Variants in RGL1 observed in about 807,000 individuals in gnomAD.
RGL1 encodes ral guanine nucleotide dissociation stimulator-like 1.
A neutral mutation model predicts 95.2 loss-of-function variants in RGL1; 24 were observed. The ratio of observed to expected loss-of-function variants is 0.25; its 90% CI spans 0.18 to 0.35. The LOEUF is 0.35. Ranked by LOEUF, RGL1 falls within the 10% of genes least tolerant of loss-of-function variation. The pLI is 1.00. For missense variants in RGL1, 715 were observed against 936.3 expected (o/e 0.76, Z 3.08); for synonymous variants, 329 against 344.9 (o/e 0.95, Z 0.51).
intron 2 of RGL1, among the ~76,000 whole-genome samples, chr1:183,744,290 A>G (rs1572358005): frequency 1.3e-5 from 2 of 150,994 alleles, no homozygotes; most frequent in African/African-American, 2.4e-5. Flanking sequence ...AGCCTTCTCT[A>G]TAGGGATATA....
intron 1 of RGL1, among the ~76,000 whole-genome samples, chr1:183,689,302 C>T (rs1404046532): frequency 6.6e-6 from 1 of 152,148 alleles, no homozygotes; most frequent in Non-Finnish European, 1.5e-5. Flanking sequence ...ATTGGCCTTA[C>T]TGAAATGGAG....
chr1:183,919,910 G>T (rs759298219), intron 16 of RGL1, among the ~76,000 whole-genome samples: 1 of 151,904 alleles, frequency 6.6e-6, no homozygotes, highest in Non-Finnish European at 1.5e-5. Context: ...ATGAGCTGAG[G>T]GTAAAATATA....
chr1:183,808,934 T>C (rs923997342), intron 2 of RGL1, among the ~76,000 whole-genome samples: 5 of 152,158 alleles, frequency 3.3e-5, no homozygotes, highest in Admixed American at 6.5e-5. Flanking sequence ...AAAAGAACAT[T>C]GGCTCAAAAG....
chr1:183,645,462 A>G (rs1650220649), intron 1 of RGL1, among the ~76,000 whole-genome samples: 2 of 152,196 alleles, frequency 1.3e-5, no homozygotes, highest in Admixed American at 1.3e-4. Context: ...CCAGATCATC[A>G]TATTACTAGC....
intron 1 of RGL1, chr1:183,648,856 A>G: frequency 8.2e-7 from 1 of 1,216,156 alleles, no homozygotes; most frequent in South Asian, 1.5e-5. Context: ...CGCAGGAAAA[A>G]CTGAAGACAG....
At chr1:183,703,513 G>T (rs1654725384) in intron 1 of RGL1, among the ~76,000 whole-genome samples, 1 of 152,076 alleles carries the variant, frequency 6.6e-6, no homozygotes, top group South Asian at 2.1e-4. Flanking sequence ...ATGTTTGTTG[G>T]GTCCCATCCC....
At chr1:183,668,877 T>C (rs959226325) in intron 1 of RGL1, among the ~76,000 whole-genome samples, 1 of 151,932 alleles carries the variant, frequency 6.6e-6, no homozygotes, top group African/African-American at 2.4e-5. Context: ...CTTTTGGATA[T>C]TCTGTTATGA....
At chr1:183,665,056 C>G (rs1385791105) in intron 1 of RGL1, among the ~76,000 whole-genome samples, 1 of 151,936 alleles carries the variant, frequency 6.6e-6, no homozygotes, top group African/African-American at 2.4e-5. Flanking sequence ...CTGTCTATTC[C>G]TAGTTTGCAG....
At position 183,806,362 on chromosome 1, in the gene RGL1, C is replaced by A; in HGVS notation, c.28-13C>A. On this transcript the variant is annotated splice_polypyrimidine_tract_variant and intron_variant, in intron 1 of 17. Coordinates refer to ENST00000360851, the MANE Select transcript of RGL1 (RefSeq NM_001297671.3). The stretch of plus-strand genomic sequence containing the variant: ...AATACTCTTTTTCTTTCTCTTTATC[C>A]CGTCCCTGGCAGAGCTCGATTCAGG... 6.3e-7 allele frequency: 1 copy of A among 1,599,802 alleles called. No homozygotes were observed. Among genetic ancestry groups the A allele is most frequent in the Non-Finnish European group, 8.6e-7 (1 of 1,167,806 alleles).
chr1:183,702,919 G>A (rs1465057977), intron 1 of RGL1, among the ~76,000 whole-genome samples: 1 of 152,188 alleles, frequency 6.6e-6, no homozygotes, highest in Non-Finnish European at 1.5e-5. Flanking sequence ...GGACAGGGTA[G>A]CAGTTTTATA....
At chr1:183,834,856 AT>A (rs924383306) in intron 2 of RGL1, among the ~76,000 whole-genome samples, 14 of 150,628 alleles carry the variant, frequency 9.3e-5, no homozygotes, top group Non-Finnish European at 1.8e-4. Context: ...TAATTTTCTA[AT>A]TTTTTTTTAC....
At chr1:183,674,407 T>C (rs12028474) in intron 1 of RGL1, among the ~76,000 whole-genome samples, 10,844 of 152,230 alleles carry the variant, frequency 0.071, 665 homozygotes, top group African/African-American at 0.17. Flanking sequence ...GCTTAATTCA[T>C]GTATAGCCAT....
intron 2 of RGL1, among the ~76,000 whole-genome samples, chr1:183,785,073 C>T (rs2102363850): frequency 6.6e-6 from 1 of 152,292 alleles, no homozygotes; most frequent in African/African-American, 2.4e-5. Flanking sequence ...CAGTGCTGCT[C>T]TAATCCTTTC....
chr1:183,893,569 G>A (rs2102677037), intron 9 of RGL1, among the ~76,000 whole-genome samples: 1 of 152,308 alleles, frequency 6.6e-6, no homozygotes, highest in Admixed American at 6.5e-5. Context: ...AGTAAGAAAA[G>A]GCATCCAGGT....
chr1:183,715,801 CTA>C (rs1442872962), intron 1 of RGL1, among the ~76,000 whole-genome samples: 4 of 151,958 alleles, frequency 2.6e-5, no homozygotes, highest in African/African-American at 9.7e-5. Flanking sequence ...GAGAAAGAAA[CTA>C]TAAGGAATTG....
intron 4 of RGL1, among the ~76,000 whole-genome samples, chr1:183,879,095 A>T (rs181919820): frequency 1.3e-5 from 2 of 152,324 alleles, no homozygotes; most frequent in African/African-American, 2.4e-5. Flanking sequence ...AAATATTTGG[A>T]GTATTGAATT....
chr1:183,916,821 C>A, intron 16 of RGL1, 120 bp downstream of exon 16: 3 of 1,143,704 alleles, frequency 2.6e-6, no homozygotes, highest in Non-Finnish European at 3.7e-6. Context: ...TACATATATG[C>A]ATTCACACAG....
At chr1:183,839,629 G>A (rs1394878443) in intron 2 of RGL1, among the ~76,000 whole-genome samples, 9 of 152,100 alleles carry the variant, frequency 5.9e-5, no homozygotes, top group Non-Finnish European at 1.0e-4. Context: ...TGTCCTCCAC[G>A]TTGATTTCCT....
At chr1:183,770,990 C>T (rs1210069539) in intron 2 of RGL1, among the ~76,000 whole-genome samples, 3 of 152,168 alleles carry the variant, frequency 2.0e-5, no homozygotes, top group Non-Finnish European at 2.9e-5. Context: ...AAGCATTGTG[C>T]TTCTCAGAGG....
Sources: gnomAD v4.1 joint callset for allele counts (sites outside exome capture counted in the v4.1 genomes callset) on GRCh38, gnomAD v4.1.1 for gene constraint, MANE v1.5 for transcripts, NCBI Gene and HGNC (gene_info 2026-07-23, HGNC 2026-07-21) for gene names.